Variants in STK17A observed in about 807,000 individuals in gnomAD.
STK17A encodes serine/threonine kinase 17a.
STK17A carries 26 observed loss-of-function variants against 43.7 expected under a neutral mutation model. The ratio of observed to expected loss-of-function variants is 0.60; its 90% CI spans 0.44 to 0.83. The LOEUF (loss-of-function observed/expected upper bound fraction) is 0.83, where lower values mean the gene tolerates loss of function less well. Ranked by LOEUF, STK17A falls within the 40% of genes least tolerant of loss-of-function variation. The pLI, the probability that STK17A is intolerant of heterozygous loss-of-function variation, is 0.00. For synonymous variants in STK17A, 191 were observed against 182.5 expected (o/e 1.05, Z -0.38); for missense variants, 476 against 511.6 (o/e 0.93, Z 0.67).
chr7:43,586,036 C>T lies in STK17A; in HGVS notation c.206+2587C>T, dbSNP rs140241609. Among the ~76,000 whole-genome samples, 180 of 151,728 alleles carry T rather than the reference C, an allele frequency of 1.2e-3. 3 individuals are homozygous for T. Among genetic ancestry groups the T allele is most frequent in the African/African-American group, 4.2e-3 (174 of 41,534 alleles). The stretch of plus-strand genomic sequence containing the variant: ...TTTAACATAGCTAAGTGTGTCTCTG[C>T]TTCATCTTTGATAAGATAGAAAACC... On this transcript the variant is annotated intron_variant, in intron 1 of 6. Transcript: ENST00000319357.
chr7:43,616,684 T>G (rs542415660), intron 3 of STK17A, among the ~76,000 whole-genome samples: 2 of 152,016 alleles, frequency 1.3e-5, no homozygotes, highest in Admixed American at 1.3e-4. Context: ...GATCACGAGG[T>G]CAGGAGATCG....
rs1252063275 is a variant in STK17A at position 43,626,074 on chromosome 7, C to G, written c.*1232C>G. On this transcript the variant is annotated 3_prime_UTR_variant, in exon 7 of 7. Transcript: ENST00000319357. ...GTGTATGCCGAATACCTTAAAGTAA[C>G]TAATTATCCTTACACACAAAAGGCT... 6.6e-6 allele frequency: 1 copy of G among 152,106 alleles called. No individual in the cohort carries two copies. Among genetic ancestry groups the G allele is most frequent in the Non-Finnish European group, 1.5e-5 (1 of 68,010 alleles). 9.4% of individuals were successfully genotyped at this position (152,106 alleles called of 1,614,324 possible).
intron 3 of STK17A, 95 bp downstream of exon 3, chr7:43,608,495 T>C: frequency 7.0e-7 from 1 of 1,428,708 alleles, no homozygotes; most frequent in Non-Finnish European, 9.5e-7. Flanking sequence ...TTCACGTTTG[T>C]GTATTATTAG....
chr7:43,624,289 C>T (rs1470325462), intron 6 of STK17A, among the ~76,000 whole-genome samples: 1 of 152,040 alleles, frequency 6.6e-6, no homozygotes, highest in Admixed American at 6.5e-5. Flanking sequence ...CTCAAGAGAG[C>T]GTTTCAGACA....
rs1207074365 is a variant in STK17A, at chr7:43,624,516, A to G, written c.921-2A>G. The G allele has an allele frequency of 1.2e-6, 2 of 1,607,170 alleles. No individual in the cohort carries two copies. The highest frequency in any genetic ancestry group is 1.7e-6 in the Non-Finnish European group (2 of 1,176,744). ...TTAACTGTAAAACATGTATCTTTAC[A>G]GAGATCGAGCCACTGCTGAAGAATG... On this transcript the variant is annotated splice_acceptor_variant, in intron 6 of 6. Transcript: ENST00000319357. LOFTEE classifies it high-confidence loss of function.
chr7:43,620,194 T>C (rs185332237), intron 4 of STK17A, among the ~76,000 whole-genome samples: 80 of 152,334 alleles, frequency 5.3e-4, no homozygotes, highest in African/African-American at 1.9e-3. Context: ...ACATTGAAGG[T>C]AGCAGCAAGA....
Position 43,619,623 on chromosome 7 carries a change from A to G in STK17A, c.591A>G (p.Glu197=), listed in dbSNP as rs111947320. 5.4e-5 allele frequency: 87 copies of G among 1,613,842 alleles called. No individual in the cohort carries two copies. The highest frequency in any genetic ancestry group is 6.7e-5 in the Non-Finnish European group (79 of 1,179,948). Residue 197 remains glutamate, a synonymous_variant, in exon 4 of 7, where the codon GAA becomes GAG. Coordinates refer to ENST00000319357, the MANE Select transcript of STK17A (RefSeq NM_004760.3). ...LKPQNILLTS[E]SPLGDIKIVD... ...CTCAGAATATTCTGTTGACAAGTGA[A>G]TCTCCATTGGGTGACATTAAGATTG...
chr7:43,609,290 G>A (rs1039228710), intron 3 of STK17A: 2 of 152,292 alleles, frequency 1.3e-5, no homozygotes, highest in African/African-American at 4.8e-5. Context: ...TCTGTCCAAA[G>A]TTCTGAGATT....
At chr7:43,595,094 GT>G (rs2082505906) in intron 1 of STK17A, among the ~76,000 whole-genome samples, 1 of 151,854 alleles carries the variant, frequency 6.6e-6, no homozygotes, top group African/African-American at 2.4e-5. Context: ...ATAACACTTT[GT>G]TGTATCTGTC....
Position 43,602,637 on chromosome 7 carries a change from C to T in STK17A, c.420-5619C>T, listed in dbSNP as rs188630698. ...TTTTTTTAAAATCTCCTCCTCCTCT[C>T]AGAGCCGTTTATCCTTTTCTACTAT... is the stretch of plus-strand genomic sequence containing the variant. On this transcript the variant is annotated intron_variant, in intron 2 of 6. Coordinates refer to ENST00000319357, the MANE Select transcript of STK17A (RefSeq NM_004760.3). 1.4e-4 allele frequency among the ~76,000 whole-genome samples: 22 copies of T among 152,350 alleles called. No homozygotes were observed. The East Asian group carries it at 4.0e-3, about 28-fold the overall frequency.
At position 43,626,383 on chromosome 7, in the gene STK17A, T is replaced by G. The variant is rs762609574; in HGVS notation, c.*1541T>G. 2.0e-5 allele frequency: 3 copies of G among 152,226 alleles called. No homozygotes were observed. The highest frequency in any genetic ancestry group is 4.4e-5 in the Non-Finnish European group (3 of 68,038). 9.4% of individuals were successfully genotyped at this position (152,226 alleles called of 1,614,324 possible). A position where few individuals can be genotyped will look rare whatever the true frequency, so the allele number is the denominator to read the frequency against. On this transcript the variant is annotated 3_prime_UTR_variant, in exon 7 of 7. Transcript: ENST00000319357. ...TGCTGTGTGAACCTGTCAAAGCACCTGGGAGTGCCCTTTACACCATTAGGT... is the reference window on the plus strand; with the variant it reads ...TGCTGTGTGAACCTGTCAAAGCACCGGGGAGTGCCCTTTACACCATTAGGT...
intron 2 of STK17A, among the ~76,000 whole-genome samples, chr7:43,602,611 A>G (rs2082562676): frequency 6.6e-6 from 1 of 152,028 alleles, no homozygotes; most frequent in African/African-American, 2.4e-5. Context: ...TCACAGCCCT[A>G]TTTTTTTAAA....
chr7:43,603,033 C>A (rs2082565746), intron 2 of STK17A, among the ~76,000 whole-genome samples: 1 of 152,184 alleles, frequency 6.6e-6, no homozygotes, highest in African/African-American at 2.4e-5. Context: ...CTCTTTAACA[C>A]TCCTATACAG....
chr7:43,623,940 T>A, intron 6 of STK17A, 52 bp downstream of exon 6: 3 of 1,259,194 alleles, frequency 2.4e-6, no homozygotes, highest in Non-Finnish European at 3.1e-6. Context: ...TATTAAAAAA[T>A]TCAGTATTAA....
chr7:43,589,762 T>C (rs1374825123), intron 1 of STK17A, among the ~76,000 whole-genome samples: 3 of 147,792 alleles, frequency 2.0e-5, no homozygotes, highest in African/African-American at 7.3e-5. Context: ...ACATATTCTC[T>C]CTTCCCAGTC....
In STK17A at chr7:43,624,774, G is replaced by A. The variant is rs753056472; in HGVS notation, c.1177G>A (p.Ala393Thr). The A allele has an allele frequency of 2.5e-6, 4 of 1,612,738 alleles. No individual in the cohort carries two copies. In the South Asian group the frequency reaches 4.4e-5, roughly 18 times the overall value. Residue 393 changes from alanine (A) to threonine (T), a missense_variant, in exon 7 of 7, where the codon GCC becomes ACC. By Grantham distance (58) the Ala-to-Thr change is moderately conservative. Coordinates refer to ENST00000319357, the MANE Select transcript of STK17A (RefSeq NM_004760.3). ...QSEKEKMEQK[A>T]ISKRFKFEEP... ...TGAAAAAGAGAAAATGGAGCAAAAG[G>A]CCATTTCCAAACGATTTAAATTTGA...
chr7:43,619,554 A>G, intron 3 of STK17A, 43 bp from the exon 4 acceptor site: 2 of 1,600,118 alleles, frequency 1.2e-6, no homozygotes, highest in Non-Finnish European at 1.7e-6. Flanking sequence ...TGTGTACTTA[A>G]TCATAGTTAT....
intron 3 of STK17A, chr7:43,608,853 AGAT>A (rs142254040): frequency 0.15 from 22,287 of 152,454 alleles, 2,148 homozygotes; most frequent in Non-Finnish European, 0.21. Context: ...ATGAAGACAT[AGAT>A]GATTTTTGAG....
At chr7:43,591,537 A>C (rs1457157268) in intron 1 of STK17A, among the ~76,000 whole-genome samples, 1 of 151,578 alleles carries the variant, frequency 6.6e-6, no homozygotes, top group African/African-American at 2.4e-5. Flanking sequence ...TGTTGGAAAG[A>C]AAAGAATAAA....
Sources: gnomAD v4.1 joint callset for allele counts (sites outside exome capture counted in the v4.1 genomes callset) on GRCh38, gnomAD v4.1.1 for gene constraint, MANE v1.5 for transcripts, NCBI Gene and HGNC (gene_info 2026-07-23, HGNC 2026-07-21) for gene names.